The following TENT4B variants were observed in gnomAD, a reference collection of about 807,000 sequenced individuals.
The protein encoded by TENT4B is terminal nucleotidyltransferase 4B, also known as PAP associated domain containing 5.
A neutral mutation model predicts 75.0 loss-of-function variants in TENT4B; 10 were observed. The observed-to-expected ratio is 0.13, with a 90% CI of 0.08 to 0.23. The LOEUF is 0.23. Ranked by LOEUF, TENT4B falls within the 10% of genes least tolerant of loss-of-function variation. The pLI, the probability that TENT4B is intolerant of heterozygous loss-of-function variation, is 1.00. For synonymous variants in TENT4B, 350 were observed against 357.7 expected (o/e 0.98, Z 0.24); for missense variants, 579 against 893.8 (o/e 0.65, Z 4.49).
intron 1 of TENT4B, among the ~76,000 whole-genome samples, chr16:50,197,641 G>C (rs965006268): frequency 2.6e-5 from 4 of 152,172 alleles, no homozygotes; most frequent in African/African-American, 9.7e-5. Context: ...TCCCGAGCCA[G>C]AGTAGGTTCA....
At chr16:50,180,414 T>C (rs374258899) in intron 1 of TENT4B, among the ~76,000 whole-genome samples, 2 of 152,302 alleles carry the variant, frequency 1.3e-5, no homozygotes, top group African/African-American at 2.4e-5. Context: ...TCACATATTT[T>C]TTGAAATAAT....
rs958408100 is a variant in TENT4B at position 50,217,488 on chromosome 16, T to G, written c.931-68T>G. On this transcript the variant is annotated intron_variant, in intron 4 of 11. Coordinates refer to ENST00000561678, the MANE Select transcript of TENT4B (RefSeq NM_001365324.3). The stretch of plus-strand genomic sequence containing the variant: ...GATGGAGACCTCATGTCTAGTAGGC[T>G]TCCATCCCCTGATTTTATCATTTAA... 67 of 822,966 alleles carry G rather than the reference T, an allele frequency of 8.1e-5. 3 individuals carry two copies. In the South Asian group the frequency reaches 1.3e-3, roughly 15 times the overall value. The allele number at this position is 822,966 out of a possible 1,614,324, so 51.0% of individuals were successfully genotyped here. A position where few individuals can be genotyped will look rare whatever the true frequency, so the allele number is the denominator to read the frequency against.
At chr16:50,220,994 T>A (rs1039112816) in intron 5 of TENT4B, among the ~76,000 whole-genome samples, 24 of 151,472 alleles carry the variant, frequency 1.6e-4, no homozygotes, top group Non-Finnish European at 3.4e-4. Context: ...GAAAAAAAAA[T>A]GGAAATCACC....
chr16:50,176,414 GA>G (rs575420991), intron 1 of TENT4B, among the ~76,000 whole-genome samples: 48 of 136,650 alleles, frequency 3.5e-4, no homozygotes, highest in Middle Eastern at 4.3e-3. Context: ...AAGTTTTATT[GA>G]AAAAAAAATC....
chr16:50,214,516 C>T (rs551623116), intron 3 of TENT4B, among the ~76,000 whole-genome samples: 3 of 152,126 alleles, frequency 2.0e-5, no homozygotes, highest in South Asian at 2.1e-4. Context: ...ATTAGCCAGG[C>T]GTAGCAGTGC....
chr16:50,157,857 C>A (rs1435630119), intron 1 of TENT4B, among the ~76,000 whole-genome samples: 3 of 152,096 alleles, frequency 2.0e-5, no homozygotes, highest in Non-Finnish European at 4.4e-5. Flanking sequence ...CCTTGGCCTC[C>A]CAGGCTGAAG....
chr16:50,217,449 T>C (rs1051645214), intron 4 of TENT4B, 107 bp from the exon 5 acceptor site: 4 of 605,878 alleles, frequency 6.6e-6, no homozygotes, highest in Non-Finnish European at 1.1e-5. Flanking sequence ...AGTGTTCTTA[T>C]GCTCTCATGA....
intron 1 of TENT4B, among the ~76,000 whole-genome samples, chr16:50,198,507 A>G (rs1675797163): frequency 6.6e-6 from 1 of 152,112 alleles, no homozygotes; most frequent in Admixed American, 6.5e-5. Flanking sequence ...GATAATTTAG[A>G]GCAAAGCCAG....
chr16:50,156,684 TCA>T (rs1251930080), intron 1 of TENT4B, among the ~76,000 whole-genome samples: 2 of 151,750 alleles, frequency 1.3e-5, no homozygotes, highest in Non-Finnish European at 2.9e-5. Context: ...AGACTGGGTC[TCA>T]CTCTGCTGCC....
intron 1 of TENT4B, among the ~76,000 whole-genome samples, chr16:50,181,260 G>A (rs1376425721): frequency 4.6e-5 from 7 of 152,182 alleles, no homozygotes; most frequent in African/African-American, 1.4e-4. Flanking sequence ...ATTTAAATGT[G>A]GAGACAGTGT....
In TENT4B at chr16:50,153,495, A is replaced by AGCAGCG. The variant is rs1567468736; in HGVS notation, c.-122_-121insGGCAGC. ...CCGCCCGCGGCGGGCCCCGAGCAGC[A>AGCAGCG]GCAGCAGCAGCAGCGGCAGCAGCGG... On this transcript the variant is annotated 5_prime_UTR_variant, in exon 1 of 12. Transcript: ENST00000561678. 20 of 974,584 alleles carry AGCAGCG rather than the reference A, an allele frequency of 2.1e-5. No homozygotes were observed. In the African/African-American group the frequency reaches 3.6e-4, roughly 18 times the overall value. 60.4% of individuals were successfully genotyped at this position (974,584 alleles called of 1,614,324 possible).
At chr16:50,223,798 A>G (rs1284499542) in intron 7 of TENT4B, among the ~76,000 whole-genome samples, 1 of 152,224 alleles carries the variant, frequency 6.6e-6, no homozygotes, top group African/African-American at 2.4e-5. Flanking sequence ...ATTCATGAGC[A>G]GAAGGGTGCA....
At chr16:50,199,889 C>G (rs2030525595) in intron 1 of TENT4B, among the ~76,000 whole-genome samples, 1 of 152,220 alleles carries the variant, frequency 6.6e-6, no homozygotes, top group Non-Finnish European at 1.5e-5. Flanking sequence ...CCCCTCTCCT[C>G]AGCCTCCTGG....
At chr16:50,195,064 T>A (rs1310588391) in intron 1 of TENT4B, among the ~76,000 whole-genome samples, 3 of 151,632 alleles carry the variant, frequency 2.0e-5, no homozygotes, top group East Asian at 3.9e-4. Context: ...AATTTTTAAA[T>A]TTTTTTTTGT....
At chr16:50,182,891 C>CTTTTTTTTTTTTGTTTTTTT (rs2038444376) in intron 1 of TENT4B, among the ~76,000 whole-genome samples, 1 of 36,458 alleles carries the variant, frequency 2.7e-5, no homozygotes. Flanking sequence ...TTTATTTTAC[C>CTTTTTTTTTTTTGTTTTTTT]TTTTTTTTTT....
chr16:50,165,957 CTTAAG>C (rs1379767987), intron 1 of TENT4B, among the ~76,000 whole-genome samples: 2 of 151,900 alleles, frequency 1.3e-5, no homozygotes, highest in African/African-American at 4.8e-5. Context: ...ATTCCTGGGT[CTTAAG>C]TTAACTCTCT....
chr16:50,212,336 G>A lies in TENT4B; in HGVS notation c.762+890G>A, dbSNP rs187064126. ...GCCTCCCAAAGTGCTAGGATTACAG[G>A]TGTGAGCCACCACACTTGGCCTGTT... On this transcript the variant is annotated intron_variant, in intron 2 of 11. Coordinates refer to ENST00000561678, the MANE Select transcript of TENT4B (RefSeq NM_001365324.3). Among the ~76,000 whole-genome samples the A allele has an allele frequency of 2.0e-5, 3 of 152,266 alleles. No individual in the cohort carries two copies. The East Asian group carries it at 5.8e-4, about 29-fold the overall frequency.
chr16:50,234,066 A>AGGACAGTCTGGACGTATTTTG lies in TENT4B; in HGVS notation c.*4741_*4761dup. ...CTGGTAACATGGAAGGTCTCTCCTAAGGACAGTCTGGACGTATTTTGGGGG... is the reference window on the plus strand; with the variant it reads ...CTGGTAACATGGAAGGTCTCTCCTAAGGACAGTCTGGACGTATTTTGGGACAGTCTGGACGTATTTTGGGGG... On this transcript the variant is annotated 3_prime_UTR_variant, in exon 12 of 12. Coordinates refer to ENST00000561678, the MANE Select transcript of TENT4B (RefSeq NM_001365324.3). 1.0e-6 allele frequency: 1 copy of AGGACAGTCTGGACGTATTTTG among 985,482 alleles called. No homozygotes were observed. Among genetic ancestry groups the AGGACAGTCTGGACGTATTTTG allele is most frequent in the Non-Finnish European group, 1.2e-6 (1 of 829,940 alleles). 61.0% of individuals were successfully genotyped at this position (985,482 alleles called of 1,614,324 possible).
At chr16:50,197,107 T>TA (rs1039564437) in intron 1 of TENT4B, among the ~76,000 whole-genome samples, 443 of 134,770 alleles carry the variant, frequency 3.3e-3, no homozygotes, top group African/African-American at 9.7e-3. Context: ...ACCCCATCTC[T>TA]AAAAAAAAAA....
Sources: allele counts gnomAD v4.1 joint callset (sites outside exome capture counted in the v4.1 genomes callset), GRCh38; gene constraint gnomAD v4.1.1; transcripts MANE v1.5; gene names NCBI Gene and HGNC (gene_info 2026-07-23, HGNC 2026-07-21).